Variants in RBFOX3 observed in about 807,000 individuals in gnomAD.
RBFOX3 encodes RNA binding protein fox-1 homolog 3.
RBFOX3 carries 17 observed loss-of-function variants against 48.7 expected under a neutral mutation model. The ratio of observed to expected loss-of-function variants is 0.35; its 90% CI spans 0.24 to 0.52. The LOEUF (loss-of-function observed/expected upper bound fraction) is 0.52. Among genes scored for constraint, RBFOX3 ranks in the 20% least tolerant of loss-of-function variants. The pLI, the probability that RBFOX3 is intolerant of heterozygous loss-of-function variation, is 0.94. For synonymous variants in RBFOX3, 212 were observed against 209.5 expected (o/e 1.01, Z -0.10); for missense variants, 382 against 497.5 (o/e 0.77, Z 2.21).
intron 14 of RBFOX3, 120 bp from the exon 15 acceptor site, chr17:79,091,005 G>T: frequency 2.1e-6 from 2 of 969,410 alleles, no homozygotes; most frequent in Non-Finnish European, 3.0e-6. Context: ...CGCCACACCT[G>T]CCCCCCAGGT....
intron 5 of RBFOX3, among the ~76,000 whole-genome samples, chr17:79,107,775 G>A (rs1322529617): frequency 6.6e-6 from 1 of 152,252 alleles, no homozygotes; most frequent in African/African-American, 2.4e-5. Context: ...AACCGCAGGT[G>A]CCAGCCTCGC....
At chr17:79,464,505 G>A (rs1337499846) in intron 2 of RBFOX3, among the ~76,000 whole-genome samples, 1 of 152,162 alleles carries the variant, frequency 6.6e-6, no homozygotes, top group African/African-American at 2.4e-5. Flanking sequence ...CCGAGGACAG[G>A]CGACAGATTC....
At chr17:79,351,688 C>T (rs374475251) in intron 2 of RBFOX3, among the ~76,000 whole-genome samples, 4 of 152,048 alleles carry the variant, frequency 2.6e-5, no homozygotes, top group East Asian at 1.9e-4. Context: ...GAGCCATTTG[C>T]CTTCTTGGTG....
chr17:79,499,790 T>C (rs9909721), intron 1 of RBFOX3, among the ~76,000 whole-genome samples: 5,020 of 152,306 alleles, frequency 0.033, 284 homozygotes, highest in African/African-American at 0.11. Flanking sequence ...ATAGTTAGCA[T>C]TTGATATACA....
chr17:79,412,029 T>C lies in RBFOX3; in HGVS notation c.-175+70425A>G, dbSNP rs573039242. ...AGCATGTATGCACATGTTGTGTATATGTGTGTGTGGTGTATGTGAGTGTGT... is the reference window on the plus strand; with the variant it reads ...AGCATGTATGCACATGTTGTGTATACGTGTGTGTGGTGTATGTGAGTGTGT... On this transcript the variant is annotated intron_variant, in intron 2 of 14. Coordinates refer to ENST00000693108, the MANE Select transcript of RBFOX3 (RefSeq NM_001350451.2). Among the ~76,000 whole-genome samples the C allele has an allele frequency of 3.8e-3, 577 of 152,252 alleles. 1 individual carries two copies. Among genetic ancestry groups the C allele is most frequent in the African/African-American group, 0.013 (535 of 41,528 alleles).
the RBFOX3 span, among the ~76,000 whole-genome samples, chr17:79,650,498 G>A: frequency 1.3e-5 from 2 of 152,030 alleles, no homozygotes; most frequent in East Asian, 1.9e-4. Flanking sequence ...TTGCAGCCAC[G>A]CCGCTCTCCC....
chr17:79,124,986 C>A (rs1169712224), intron 4 of RBFOX3, among the ~76,000 whole-genome samples: 3 of 152,178 alleles, frequency 2.0e-5, no homozygotes, highest in Non-Finnish European at 4.4e-5. Context: ...CCACGCGCTC[C>A]TCCGGGCCTG....
chr17:79,457,117 A>C (rs1221052508), intron 2 of RBFOX3, among the ~76,000 whole-genome samples: 2 of 152,246 alleles, frequency 1.3e-5, no homozygotes, highest in African/African-American at 4.8e-5. Context: ...TCCCCAGGGC[A>C]TGGGCTCCTG....
chr17:79,369,888 C>G (rs1020958810), intron 2 of RBFOX3, among the ~76,000 whole-genome samples: 1 of 152,236 alleles, frequency 6.6e-6, no homozygotes, highest in Admixed American at 6.5e-5. Flanking sequence ...GAAGCTCCCA[C>G]GGAGAGAGAA....
At chr17:79,281,259 G>A (rs542248926) in intron 3 of RBFOX3, among the ~76,000 whole-genome samples, 4 of 152,350 alleles carry the variant, frequency 2.6e-5, no homozygotes, top group African/African-American at 7.2e-5. Context: ...GGAGCCGTGG[G>A]CTTGTGGTTT....
rs2076889738 is a variant in RBFOX3 at position 79,103,849 on chromosome 17, G to A, written c.414+224C>T. On this transcript the variant is annotated intron_variant, in intron 7 of 14. Coordinates refer to ENST00000693108, the MANE Select transcript of RBFOX3 (RefSeq NM_001350451.2). This position sits in a 1 kb window ranked among gnomAD's most constrained non-coding sequence, Gnocchi z 6.1. ...CCAGGGCTCTGGGGTGCAGGCAAGAGGTCCTGGTGGCTCAGAAAGAAAAAG... is the reference window on the plus strand; with the variant it reads ...CCAGGGCTCTGGGGTGCAGGCAAGAAGTCCTGGTGGCTCAGAAAGAAAAAG... Among the ~76,000 whole-genome samples, 1 of 151,438 alleles carries A rather than the reference G, an allele frequency of 6.6e-6. No individual in the cohort carries two copies. The highest frequency in any genetic ancestry group is 1.5e-5 in the Non-Finnish European group (1 of 67,866).
At chr17:79,569,181 C>T (rs1305121685) in intron 1 of RBFOX3, among the ~76,000 whole-genome samples, 2 of 152,106 alleles carry the variant, frequency 1.3e-5, no homozygotes, top group Non-Finnish European at 2.9e-5. Flanking sequence ...GACTATGACC[C>T]ACTTCCAGAA....
At chr17:79,610,028 C>A (rs968263236) in intron 1 of RBFOX3, among the ~76,000 whole-genome samples, 135 of 152,166 alleles carry the variant, frequency 8.9e-4, no homozygotes, top group African/African-American at 3.1e-3. Flanking sequence ...AGAGAGGCAG[C>A]CTCTGCTCCC....
At position 79,314,849 on chromosome 17, in the gene RBFOX3, G is replaced by A. The variant is rs75502549; in HGVS notation, c.-174-7025C>T. 5.3e-3 allele frequency among the ~76,000 whole-genome samples: 811 copies of A among 152,038 alleles called. 12 individuals carry two copies. Among genetic ancestry groups the A allele is most frequent in the African/African-American group, 0.019 (781 of 41,448 alleles). ...GCTCAGAGCGGCCTCTGGGTGTAGG[G>A]GAGGGGAACGGGGCTGGGTGTGCTG... On this transcript the variant is annotated intron_variant, in intron 2 of 14. Transcript: ENST00000693108.
chr17:79,421,363 G>A lies in RBFOX3; in HGVS notation c.-175+61091C>T, dbSNP rs537854462. Among the ~76,000 whole-genome samples the A allele has an allele frequency of 6.6e-5, 10 of 152,298 alleles. No individual in the cohort carries two copies. The highest frequency in any genetic ancestry group is 2.4e-4 in the African/African-American group (10 of 41,566). On this transcript the variant is annotated intron_variant, in intron 2 of 14. Coordinates refer to ENST00000693108, the MANE Select transcript of RBFOX3 (RefSeq NM_001350451.2). The surrounding 1 kb of genome is among the most constrained non-coding windows in gnomAD (Gnocchi z 4.5). ...CGCTTGAGGCTGGTGTCAGAAGTGG[G>A]GCTGCTTGAAGTGGATGGCCCCCTC... is the stretch of plus-strand genomic sequence containing the variant.
intron 4 of RBFOX3, among the ~76,000 whole-genome samples, chr17:79,224,062 T>C (rs1248725544): frequency 3.3e-5 from 5 of 152,094 alleles, no homozygotes; most frequent in Non-Finnish European, 7.3e-5. Flanking sequence ...TGTGTCCTGA[T>C]TGAGAGTCTC....
At chr17:79,301,727 A>C (rs1381157463) in intron 3 of RBFOX3, among the ~76,000 whole-genome samples, 1 of 152,234 alleles carries the variant, frequency 6.6e-6, no homozygotes, top group Non-Finnish European at 1.5e-5. Context: ...TGGATGGAGA[A>C]GCAGAATGCG....
intron 2 of RBFOX3, among the ~76,000 whole-genome samples, chr17:79,444,695 G>T (rs77574777): frequency 2.6e-5 from 4 of 151,866 alleles, no homozygotes; most frequent in Non-Finnish European, 4.4e-5. Flanking sequence ...TTATAAGCCC[G>T]CATTTGCTCC....
chr17:79,302,264 T>C (rs1309598128), intron 3 of RBFOX3, among the ~76,000 whole-genome samples: 1 of 152,160 alleles, frequency 6.6e-6, no homozygotes, highest in Non-Finnish European at 1.5e-5. Context: ...CATATTATTG[T>C]CCCATTTCAT....
Sources: allele counts gnomAD v4.1 joint callset (sites outside exome capture counted in the v4.1 genomes callset), GRCh38; gene constraint gnomAD v4.1.1; non-coding constraint Gnocchi (gnomAD v3.1); transcripts MANE v1.5; gene names NCBI Gene and HGNC (gene_info 2026-07-23, HGNC 2026-07-21).